The following CMYA5 variants were observed in gnomAD, a reference collection of about 807,000 sequenced individuals.
CMYA5 encodes the protein cardiomyopathy-associated protein 5.
Under a neutral mutation model 318.9 loss-of-function variants are expected in CMYA5, and 246 were observed. That is an observed-to-expected ratio of 0.77 (90% CI 0.70 to 0.86). CMYA5 has a LOEUF of 0.86. CMYA5 is among the 40% of genes least tolerant of loss of function. The pLI is 0.00. For synonymous variants in CMYA5, 1,641 were observed against 1,729.5 expected, an observed-to-expected ratio of 0.95 and a Z score of 1.27; for missense variants, 4,589 against 4,678.2, an observed-to-expected ratio of 0.98 and a Z score of 0.56.
chr5:79,731,865 G>C lies in CMYA5; in HGVS notation c.3100G>C (p.Gly1034Arg), dbSNP rs748248351. The C allele has an allele frequency of 1.2e-6, 2 of 1,613,592 alleles. No homozygotes were observed. Among genetic ancestry groups the C allele is most frequent in the East Asian group, 4.5e-5 (2 of 44,864 alleles). Residue 1034 changes from glycine (G) to arginine (R), a missense_variant, in exon 2 of 13, where the codon GGT becomes CGT. Transcript: ENST00000446378. ...DSLLTAVSAS[G>R]YSCFSEADEE... ...ACTATTAACTGCAGTGTCTGCTTCA[G>C]GTTATTCCTGCTTTTCAGAAGCAGA...
intron 1 of CMYA5, among the ~76,000 whole-genome samples, chr5:79,703,007 G>A (rs894555554): frequency 1.3e-5 from 2 of 152,220 alleles, no homozygotes; most frequent in African/African-American, 4.8e-5. Flanking sequence ...AGTATCTGGT[G>A]CTGTCAGCTC....
At chr5:79,769,711 A>C (rs1828819945) in intron 9 of CMYA5, among the ~76,000 whole-genome samples, 1 of 152,098 alleles carries the variant, frequency 6.6e-6, no homozygotes. Context: ...TGCCAGCTGG[A>C]GTTCTCTCGT....
rs993609593 is a variant in CMYA5, at chr5:79,799,622, G to A, written c.*6G>A. On this transcript the variant is annotated 3_prime_UTR_variant, in exon 13 of 13. Coordinates refer to ENST00000446378, the MANE Select transcript of CMYA5 (RefSeq NM_153610.5). ...ATTCTGTAAGGCACAAGTGATCCTTGGCTTTCAGAATTTGCAAGAACAGCG... is the reference window on the plus strand; with the variant it reads ...ATTCTGTAAGGCACAAGTGATCCTTAGCTTTCAGAATTTGCAAGAACAGCG... The A allele has an allele frequency of 2.5e-6, 4 of 1,601,840 alleles. No individual in the cohort carries two copies. In the African/African-American group the frequency reaches 4.0e-5, roughly 16 times the overall value.
At position 79,736,714 on chromosome 5, in the gene CMYA5, C is replaced by T; in HGVS notation, c.7949C>T (p.Ser2650Phe). 1.2e-6 allele frequency: 2 copies of T among 1,613,162 alleles called. No individual in the cohort carries two copies. The highest frequency in any genetic ancestry group is 8.5e-7 in the Non-Finnish European group (1 of 1,179,736). The change falls in exon 2 of 13, where the codon TCT (serine) becomes TTT (phenylalanine). Residue 2650 changes from serine to phenylalanine, a missense_variant. By Grantham distance (155) the Ser-to-Phe change is radical (BLOSUM62 -2). Transcript: ENST00000446378. ...LSCRDEIENH[S>F]LSQEGNLVLE... Reference sequence around the variant, plus strand: ...TGTCGTGATGAAATAGAGAACCACTCTTTATCTCAGGAAGGAAATCTAGTA... The same window carrying T: ...TGTCGTGATGAAATAGAGAACCACTTTTTATCTCAGGAAGGAAATCTAGTA...
Position 79,754,444 on chromosome 5 carries a change from CAGGTGAGGAA to C in CMYA5, c.11110+1663_11110+1672del, listed in dbSNP as rs540371463. Among the ~76,000 whole-genome samples, 35 of 152,180 alleles carry C rather than the reference CAGGTGAGGAA, an allele frequency of 2.3e-4. No homozygotes were observed. The East Asian group carries it at 6.0e-3, about 26-fold the overall frequency. On this transcript the variant is annotated intron_variant, in intron 6 of 12. Transcript: ENST00000446378. ...GGTAGGTTTTGTTATTCCCATTTGA[CAGGTGAGGAA>C]AGGTGAGGAAAGAGAGGAACAGAAA...
intron 1 of CMYA5, among the ~76,000 whole-genome samples, chr5:79,704,885 A>C (rs1827241913): frequency 6.6e-6 from 1 of 152,230 alleles, no homozygotes; most frequent in Non-Finnish European, 1.5e-5. Flanking sequence ...TTTCTTTAAA[A>C]TAAAAACCCT....
chr5:79,714,213 CAT>C (rs1561199145), intron 1 of CMYA5, among the ~76,000 whole-genome samples: 1 of 152,086 alleles, frequency 6.6e-6, no homozygotes, highest in Non-Finnish European at 1.5e-5. Context: ...TTCTTTTGCA[CAT>C]GTTGTTCCTT....
At position 79,747,032 on chromosome 5, in the gene CMYA5, CTCTT is replaced by C. The variant is rs1233995039; in HGVS notation, c.10969-55_10969-52del. On this transcript the variant is annotated intron_variant, in intron 4 of 12. Transcript: ENST00000446378. ...TTCTGTTGTTAATTAGCTTCTCTCT[CTCTT>C]TCTCTCTCTCTTTTTCTCTCTTCTC... The C allele has an allele frequency of 3.9e-6, 4 of 1,026,856 alleles. No individual in the cohort carries two copies. In the African/African-American group the frequency reaches 4.9e-5, roughly 12 times the overall value. The allele number at this position is 1,026,856 out of a possible 1,614,324, so 63.6% of individuals were successfully genotyped here. A position where few individuals can be genotyped will look rare whatever the true frequency, so the allele number is the denominator to read the frequency against.
chr5:79,784,869 AC>A (rs1829053870), intron 9 of CMYA5, among the ~76,000 whole-genome samples: 2 of 150,678 alleles, frequency 1.3e-5, no homozygotes, highest in Admixed American at 6.6e-5. Context: ...TGCAGAAATC[AC>A]CCGTCTTCTG....
At position 79,729,230 on chromosome 5, in the gene CMYA5, T is replaced by A; in HGVS notation, c.465T>A (p.Ser155=). Reference sequence around the variant, plus strand: ...GGAAAGGCAACAGAAAAAGAAATTCTTTTGAATCCCAAGATGTTCCAACAA... The same window carrying A: ...GGAAAGGCAACAGAAAAAGAAATTCATTTGAATCCCAAGATGTTCCAACAA... ...LRRKGNRKRN[S]FESQDVPTNK... is the part of the protein sequence containing the mutation. Residue 155 remains serine (S), a synonymous_variant, in exon 2 of 13, where the codon TCT becomes TCA. Coordinates refer to ENST00000446378, the MANE Select transcript of CMYA5 (RefSeq NM_153610.5). 6.2e-7 allele frequency: 1 copy of A among 1,613,054 alleles called. No homozygotes were observed. Among genetic ancestry groups the A allele is most frequent in the Non-Finnish European group, 8.5e-7 (1 of 1,179,678 alleles).
intron 12 of CMYA5, among the ~76,000 whole-genome samples, chr5:79,796,068 G>C (rs546182599): frequency 6.8e-6 from 1 of 147,066 alleles, no homozygotes; most frequent in African/African-American, 2.5e-5. Flanking sequence ...CAAGGATTCA[G>C]GGAATACCTT....
intron 9 of CMYA5, among the ~76,000 whole-genome samples, chr5:79,784,581 G>A (rs1022627071): frequency 2.2e-5 from 2 of 91,702 alleles, no homozygotes; most frequent in East Asian, 3.0e-4. Context: ...TTCCGTGGGC[G>A]TAGGACCCTC....
intron 2 of CMYA5, among the ~76,000 whole-genome samples, chr5:79,742,968 A>G (rs1828247049): frequency 6.6e-6 from 1 of 152,188 alleles, no homozygotes; most frequent in Non-Finnish European, 1.5e-5. Context: ...ACAACATTCT[A>G]GAGCCAAGGA....
At chr5:79,797,824 T>C (rs574692931) in intron 12 of CMYA5, among the ~76,000 whole-genome samples, 2 of 152,352 alleles carry the variant, frequency 1.3e-5, no homozygotes, top group South Asian at 2.1e-4. Flanking sequence ...CTCTGCCACA[T>C]ACGGACTTCT....
intron 9 of CMYA5, among the ~76,000 whole-genome samples, chr5:79,784,899 C>G (rs56023185): frequency 0.018 from 2,735 of 152,120 alleles, 37 homozygotes; most frequent in Non-Finnish European, 0.026. Flanking sequence ...ACGCTGGGAG[C>G]TGTAGACCGG....
rs1461984102 is a variant in CMYA5 at position 79,720,427 on chromosome 5, AATTTTTTTT to A, written c.150-8487_150-8479del. Reference sequence around the variant, plus strand: ...CTAAGATAAAAATAACTGCCAATCTAATTTTTTTTTTTTTTTTTTTTTTTTTGAGAAGGA... The same window carrying A: ...CTAAGATAAAAATAACTGCCAATCTATTTTTTTTTTTTTTTTTGAGAAGGA... On this transcript the variant is annotated intron_variant, in intron 1 of 12. Coordinates refer to ENST00000446378, the MANE Select transcript of CMYA5 (RefSeq NM_153610.5). Among the ~76,000 whole-genome samples, 1,783 of 136,818 alleles carry A rather than the reference AATTTTTTTT, an allele frequency of 0.013. 73 individuals carry two copies. The East Asian group carries it at 0.15, about 11-fold the overall frequency. The allele number at this position is 136,818 out of a possible 152,430, so 89.8% of individuals were successfully genotyped here. A position where few individuals can be genotyped will look rare whatever the true frequency, so the allele number is the denominator to read the frequency against.
chr5:79,736,519 C>G lies in CMYA5; in HGVS notation c.7754C>G (p.Ser2585Ter), dbSNP rs1183494077. The change falls in exon 2 of 13, where the codon TCA (serine) becomes TGA (stop). Residue 2585 changes from serine to a stop codon, truncating the protein, a stop_gained. Transcript: ENST00000446378. LOFTEE classifies it high-confidence loss of function. The stretch of plus-strand genomic sequence containing the variant: ...GGTCATTCTTTGGGTGAAACTCAAT[C>G]ATTTTCATTAGTTAAAGCTACATCA... ...SLGHSLGETQ[S>*]FSLVKATSVT... 1 of 1,613,116 alleles carries G rather than the reference C, an allele frequency of 6.2e-7. No homozygotes were observed. The highest frequency in any genetic ancestry group is 1.3e-5 in the African/African-American group (1 of 74,902).
intron 1 of CMYA5, among the ~76,000 whole-genome samples, chr5:79,715,588 A>G (rs1384468341): frequency 6.6e-6 from 1 of 152,022 alleles, no homozygotes; most frequent in Non-Finnish European, 1.5e-5. Context: ...TGCCCAGCCA[A>G]CTATAGCTTA....
At position 79,735,799 on chromosome 5, in the gene CMYA5, G is replaced by C. The variant is rs776699129; in HGVS notation, c.7034G>C (p.Arg2345Thr). The C allele has an allele frequency of 6.4e-7, 1 of 1,551,410 alleles. No homozygotes were observed. The highest frequency in any genetic ancestry group is 2.2e-5 in the East Asian group (1 of 44,590). The change falls in exon 2 of 13, where the codon AGA (arginine) becomes ACA (threonine). Residue 2345 changes from arginine (R) to threonine (T), a missense_variant. Around this residue, in one of 3 missense-constraint regions of CMYA5, gnomAD observed 2,431 missense variants for 2,495.1 expected, o/e 0.97. Coordinates refer to ENST00000446378, the MANE Select transcript of CMYA5 (RefSeq NM_153610.5). ...CCTCCTCATGTTACTGATAGTAAAA[G>C]AGTCCAGAAGCCAGCAATCGCTCCT... The part of the protein sequence containing the change: ...IVPPHVTDSK[R>T]VQKPAIAPPS...
Sources: gnomAD v4.1 joint callset for allele counts (sites outside exome capture counted in the v4.1 genomes callset) on GRCh38, gnomAD v4.1.1 for gene constraint, gnomAD v4.1.1 regional missense constraint, MANE v1.5 for transcripts, NCBI Gene and HGNC (gene_info 2026-07-23, HGNC 2026-07-21) for gene names.